Variants in MYO1H observed in about 807,000 individuals in gnomAD.
MYO1H encodes the protein unconventional myosin-Ih.
MYO1H carries 118 observed loss-of-function variants against 149.3 expected under a neutral mutation model. That is an observed-to-expected ratio of 0.79 (90% CI 0.68 to 0.92). The LOEUF is 0.92. MYO1H is among the 40% of genes least tolerant of loss of function. The pLI is 0.00. For synonymous variants in MYO1H, 447 were observed against 465.2 expected (o/e 0.96, Z 0.50); for missense variants, 1,212 against 1,280.7 (o/e 0.95, Z 0.82).
chr12:109,406,793 TG>T lies in MYO1H; in HGVS notation c.973del (p.Val325SerfsTer22). 1 of 1,613,946 alleles carries T rather than the reference TG, an allele frequency of 6.2e-7. No individual in the cohort carries two copies. Among genetic ancestry groups the T allele is most frequent in the Non-Finnish European group, 8.5e-7 (1 of 1,179,804 alleles). On this transcript the variant is annotated frameshift_variant, in exon 9 of 32. Transcript: ENST00000310903. LOFTEE classifies it high-confidence loss of function. ...CTGGATTTCTTTTACATGCAGCTCC[TG>T]GGGGTCCACCCATCAGTCCTTCTGG...
chr12:109,328,595 T>A, the MYO1H span, among the ~76,000 whole-genome samples: 6 of 152,346 alleles, frequency 3.9e-5, no homozygotes, highest in East Asian at 7.7e-4. Context: ...GAACTTTTTG[T>A]TCCTTTCCCC....
chr12:109,313,473 C>G, the MYO1H span, among the ~76,000 whole-genome samples: 1 of 152,190 alleles, frequency 6.6e-6, no homozygotes, highest in Admixed American at 6.6e-5. Context: ...TCATTGATCT[C>G]CGCTGCTGTT....
chr12:109,380,509 G>C (rs1869182998), intron 1 of MYO1H, among the ~76,000 whole-genome samples: 1 of 152,226 alleles, frequency 6.6e-6, no homozygotes, highest in Admixed American at 6.5e-5. Context: ...AAAAGTTTTA[G>C]ATGGTTTTCA....
chr12:109,359,087 C>T (rs1203411106), intron 1 of MYO1H, among the ~76,000 whole-genome samples: 1 of 152,020 alleles, frequency 6.6e-6, no homozygotes, highest in East Asian at 1.9e-4. Flanking sequence ...CCTTCCGCTA[C>T]GGGAGGGCAG....
intron 19 of MYO1H, among the ~76,000 whole-genome samples, chr12:109,428,165 C>T (rs956035755): frequency 6.6e-6 from 1 of 151,318 alleles, no homozygotes; most frequent in African/African-American, 2.4e-5. Context: ...TAATCCCTGA[C>T]TGTTTACAGT....
chr12:109,436,794 G>T (rs1871878601), intron 22 of MYO1H, among the ~76,000 whole-genome samples: 1 of 152,036 alleles, frequency 6.6e-6, no homozygotes, highest in Admixed American at 6.6e-5. Flanking sequence ...TACATTTAAA[G>T]AATAATTTTG....
At chr12:109,399,928 A>C (rs78483855) in intron 5 of MYO1H, among the ~76,000 whole-genome samples, 5,542 of 152,082 alleles carry the variant, frequency 0.036, 123 homozygotes, top group Middle Eastern at 0.065. Context: ...AAAATTCTAA[A>C]ATCCAAAAGC....
intron 19 of MYO1H, 120 bp downstream of exon 19, chr12:109,427,706 C>A: frequency 1.4e-6 from 1 of 696,748 alleles, no homozygotes; most frequent in Non-Finnish European, 2.6e-6. Flanking sequence ...TTGTTAACTG[C>A]TGTAGTTATG....
chr12:109,403,453 A>T (rs551783203), intron 6 of MYO1H, among the ~76,000 whole-genome samples: 1 of 152,372 alleles, frequency 6.6e-6, no homozygotes, highest in African/African-American at 2.4e-5. Context: ...GTTATTTAAA[A>T]GACAACTTCT....
the MYO1H span, among the ~76,000 whole-genome samples, chr12:109,323,010 G>A: frequency 6.6e-6 from 1 of 152,018 alleles, no homozygotes. Flanking sequence ...GGGAGGCTGA[G>A]GCAGGAGAAT....
intron 1 of MYO1H, among the ~76,000 whole-genome samples, chr12:109,355,703 TTTTC>T (rs962219160): frequency 2.2e-4 from 34 of 151,624 alleles, no homozygotes; most frequent in African/African-American, 8.0e-4. Context: ...TTGGTTTGGT[TTTTC>T]TTTGTTTGTT....
rs566639775 is a variant in MYO1H at position 109,440,825 on chromosome 12, A to G, written c.2536A>G (p.Met846Val). Residue 846 changes from methionine (M) to valine (V), a missense_variant and splice_region_variant, in exon 25 of 32, where the codon ATG becomes GTG. Physicochemically the swap from Met to Val is conservative, Grantham distance 21. Transcript: ENST00000310903. ...CGGGATCACAGCTGAGCGGAAAGCA[A>G]TGGTAGGGACATGATGTCTGCGGTG... 7 of 1,148,216 alleles carry G rather than the reference A, an allele frequency of 6.1e-6. No individual in the cohort carries two copies. In the East Asian group the frequency reaches 1.1e-4, roughly 19 times the overall value. The allele number at this position is 1,148,216 out of a possible 1,614,324, so 71.1% of individuals were successfully genotyped here. A position where few individuals can be genotyped will look rare whatever the true frequency, so the allele number is the denominator to read the frequency against.
Position 109,404,031 on chromosome 12 carries a change from CTG to C in MYO1H, c.802_803del (p.Val268PhefsTer8), listed in dbSNP as rs1566029438. ...ATTAGTGACAAGAATGACTGGAAAA[CTG>C]TTTCCAACGCCTTTTCTGTCATTGA... is the stretch of plus-strand genomic sequence containing the variant. On this transcript the variant is annotated frameshift_variant, in exon 7 of 32. Transcript: ENST00000310903. LOFTEE classifies it high-confidence loss of function. The C allele has an allele frequency of 1.2e-6, 2 of 1,613,814 alleles. No homozygotes were observed. Among genetic ancestry groups the C allele is most frequent in the Non-Finnish European group, 8.5e-7 (1 of 1,179,806 alleles).
At chr12:109,432,837 G>A (rs1871691519) in intron 19 of MYO1H, 60 bp from the exon 20 acceptor site, 1 of 1,440,200 alleles carries the variant, frequency 6.9e-7, no homozygotes, top group African/African-American at 1.4e-5. Flanking sequence ...GGCCGGGGAT[G>A]TGGGGGAGGG....
intron 14 of MYO1H, among the ~76,000 whole-genome samples, chr12:109,414,738 C>A (rs1248061728): frequency 6.6e-6 from 1 of 152,080 alleles, no homozygotes; most frequent in African/African-American, 2.4e-5. Context: ...GACAAGGTCT[C>A]ACTCTGTTGC....
chr12:109,408,885 G>C (rs1425303056), intron 10 of MYO1H, among the ~76,000 whole-genome samples: 3 of 152,146 alleles, frequency 2.0e-5, no homozygotes, highest in Admixed American at 6.5e-5. Context: ...CACCTCTGGG[G>C]TTCAAGCGAT....
At position 109,429,026 on chromosome 12, in the gene MYO1H, T is replaced by C. The variant is rs755573851; in HGVS notation, c.1949+1440T>C. 1.2e-3 allele frequency among the ~76,000 whole-genome samples: 185 copies of C among 152,202 alleles called. 1 individual carries two copies. Among genetic ancestry groups the C allele is most frequent in the Non-Finnish European group, 2.4e-4 (16 of 68,022 alleles). ...AAGTTCAAGACCAGCCTGACCAACA[T>C]GGTGAAATCCTGTCTGCTAAAAACA... On this transcript the variant is annotated intron_variant, in intron 19 of 31. Coordinates refer to ENST00000310903, the Ensembl canonical transcript of MYO1H.
At chr12:109,385,457 T>C (rs1465544327) in intron 1 of MYO1H, among the ~76,000 whole-genome samples, 1 of 152,060 alleles carries the variant, frequency 6.6e-6, no homozygotes, top group Non-Finnish European at 1.5e-5. Flanking sequence ...CACACCCAGC[T>C]AGTTTTCATA....
At position 109,438,689 on chromosome 12, in the gene MYO1H, G is replaced by T. The variant is rs569520321; in HGVS notation, c.2294+69G>T. 71 of 1,152,436 alleles carry T rather than the reference G, an allele frequency of 6.2e-5. No individual in the cohort carries two copies. The African/African-American group carries it at 1.1e-3, about 17-fold the overall frequency. The allele number at this position is 1,152,436 out of a possible 1,614,324, so 71.4% of individuals were successfully genotyped here. On this transcript the variant is annotated intron_variant, in intron 23 of 31. Transcript: ENST00000310903. ...GGTACCCTGCAGGGATGGTCATGGA[G>T]GTAGATGAGTTCTTTGTGATTTTTT...
Sources: allele counts gnomAD v4.1 joint callset (sites outside exome capture counted in the v4.1 genomes callset), GRCh38; gene constraint gnomAD v4.1.1; transcripts MANE v1.5; gene names NCBI Gene and HGNC (gene_info 2026-07-23, HGNC 2026-07-21).